FIP1L1: variants seen among roughly 807,000 people sequenced by gnomAD.
FIP1L1 encodes factor interacting with PAPOLA and CPSF1.
A neutral mutation model predicts 84.6 loss-of-function variants in FIP1L1; 21 were observed. That is an observed-to-expected ratio of 0.25 (90% CI 0.18 to 0.36). FIP1L1 has a LOEUF of 0.36. FIP1L1 is among the 10% of genes least tolerant of loss of function. The pLI is 1.00. For missense variants in FIP1L1, 526 were observed against 751.1 expected (o/e 0.70, Z 3.50); for synonymous variants, 263 against 242.3 (o/e 1.09, Z -0.80).
intron 10 of FIP1L1, among the ~76,000 whole-genome samples, chr4:53,412,535 T>C (rs1757683876): frequency 6.6e-6 from 1 of 152,086 alleles, no homozygotes; most frequent in Non-Finnish European, 1.5e-5. Flanking sequence ...ACAATCTAGT[T>C]GTTGAGTTAA....
chr4:53,389,837 A>C lies in FIP1L1; in HGVS notation c.361A>C (p.Asn121His). The change falls in exon 6 of 18, where the codon AAC becomes CAC. Residue 121 changes from asparagine to histidine, a missense_variant. Asn to His is a moderately conservative substitution (Grantham distance 68). Coordinates refer to ENST00000337488, the MANE Select transcript of FIP1L1 (RefSeq NM_030917.4). The stretch of plus-strand genomic sequence containing the variant: ...TTATGGTACAGCACCTGTAAATCTT[A>C]ACATCAAGACAGGGGGAAGAGTTTA... ...GSYGTAPVNLNIKTGGRVYGT... is the reference protein window; with the variant it reads ...GSYGTAPVNLHIKTGGRVYGT... 1 of 1,602,558 alleles carries C rather than the reference A, an allele frequency of 6.2e-7. No homozygotes were observed. Among genetic ancestry groups the C allele is most frequent in the Non-Finnish European group, 8.5e-7 (1 of 1,176,428 alleles).
At chr4:53,431,432 C>T (rs1211884351) in intron 13 of FIP1L1, among the ~76,000 whole-genome samples, 3 of 151,882 alleles carry the variant, frequency 2.0e-5, no homozygotes, top group African/African-American at 7.3e-5. Context: ...TTTTTGCTTT[C>T]TTCAAAAATA....
chr4:53,441,131 T>C (rs1771717468), intron 13 of FIP1L1: 1 of 151,994 alleles, frequency 6.6e-6, no homozygotes, highest in South Asian at 2.1e-4. Flanking sequence ...ACTAGGAGTT[T>C]ATATGTGGCC....
intron 9 of FIP1L1, among the ~76,000 whole-genome samples, chr4:53,396,166 G>A (rs1182471380): frequency 6.6e-6 from 1 of 151,998 alleles, no homozygotes; most frequent in Non-Finnish European, 1.5e-5. Flanking sequence ...TGATCCACCC[G>A]CCTCGGCCTC....
chr4:53,414,464 A>G, intron 10 of FIP1L1, 151 bp from the exon 11 acceptor site: 1 of 530,128 alleles, frequency 1.9e-6, no homozygotes, highest in Non-Finnish European at 3.4e-6. Flanking sequence ...ACTTAGTACC[A>G]CAGCAAGTAG....
intron 10 of FIP1L1, among the ~76,000 whole-genome samples, chr4:53,401,293 A>G (rs538628567): frequency 6.6e-6 from 1 of 152,332 alleles, no homozygotes; most frequent in South Asian, 2.1e-4. Context: ...GGGCCAGATT[A>G]TGTAAGGGCT....
Position 53,396,153 on chromosome 4 carries a change from A to T in FIP1L1, c.706-3577A>T, listed in dbSNP as rs112755837. Among the ~76,000 whole-genome samples, 909 of 152,144 alleles carry T rather than the reference A, an allele frequency of 6.0e-3. 5 individuals are homozygous for T. Among genetic ancestry groups the T allele is most frequent in the Non-Finnish European group, 9.4e-3 (639 of 67,966 alleles). On this transcript the variant is annotated intron_variant, in intron 9 of 17. Coordinates refer to ENST00000337488, the MANE Select transcript of FIP1L1 (RefSeq NM_030917.4). ...AGGCTGGTCTCTAACTTCTGACCTC[A>T]GGTGATCCACCCGCCTCGGCCTCCT...
At chr4:53,428,856 G>A (rs147133551) in intron 13 of FIP1L1, among the ~76,000 whole-genome samples, 113 of 152,274 alleles carry the variant, frequency 7.4e-4, no homozygotes, top group African/African-American at 2.6e-3. Flanking sequence ...TAGCAAGATT[G>A]ATTGAGATAA....
intron 11 of FIP1L1, among the ~76,000 whole-genome samples, chr4:53,415,778 AG>A (rs1189889946): frequency 1.3e-5 from 2 of 152,130 alleles, no homozygotes; most frequent in Non-Finnish European, 2.9e-5. Context: ...ATTTCCTGTT[AG>A]GAAAGAAGTT....
In FIP1L1 at chr4:53,379,379, A is replaced by G. The variant is rs79100349; in HGVS notation, c.170+115A>G. On this transcript the variant is annotated intron_variant, in intron 3 of 17. Coordinates refer to ENST00000337488, the MANE Select transcript of FIP1L1 (RefSeq NM_030917.4). ...GGCTTCATTACAACACTGACTTACAACATTTTGGAGGACATTGAATCCTTT... is the reference window on the plus strand; with the variant it reads ...GGCTTCATTACAACACTGACTTACAGCATTTTGGAGGACATTGAATCCTTT... 4,138 of 885,836 alleles carry G rather than the reference A, an allele frequency of 4.7e-3. 119 individuals carry two copies. In the African/African-American group the frequency reaches 0.062, roughly 13 times the overall value. 54.9% of individuals were successfully genotyped at this position (885,836 alleles called of 1,614,324 possible). A position where few individuals can be genotyped will look rare whatever the true frequency, so the allele number is the denominator to read the frequency against.
chr4:53,408,539 C>T (rs1560522000), intron 10 of FIP1L1, among the ~76,000 whole-genome samples: 1 of 152,212 alleles, frequency 6.6e-6, no homozygotes, highest in African/African-American at 2.4e-5. Context: ...TGAATGTTGG[C>T]CTGCCTTGCT....
intron 11 of FIP1L1, among the ~76,000 whole-genome samples, chr4:53,423,651 G>A (rs1185789845): frequency 6.6e-6 from 1 of 152,208 alleles, no homozygotes; most frequent in East Asian, 1.9e-4. Flanking sequence ...TATGATTAAA[G>A]TAAATCAGTT....
At chr4:53,390,079 C>T (rs1297643635) in intron 6 of FIP1L1, among the ~76,000 whole-genome samples, 1 of 151,998 alleles carries the variant, frequency 6.6e-6, no homozygotes, top group Non-Finnish European at 1.5e-5. Context: ...GCTGGGACTG[C>T]GGGCGTGCAC....
rs1212656480 is a variant in FIP1L1, at chr4:53,425,842, A to G, written c.924-30A>G. 5 of 1,503,530 alleles carry G rather than the reference A, an allele frequency of 3.3e-6. No individual in the cohort carries two copies. The African/African-American group carries it at 4.2e-5, about 12-fold the overall frequency. The allele number at this position is 1,503,530 out of a possible 1,614,324, so 93.1% of individuals were successfully genotyped here. ...ATTTTTTAAGCATCTAATTAGGTGA[A>G]ACTGAATTGATTCAATTTTTATGTT... On this transcript the variant is annotated intron_variant, in intron 11 of 17. Transcript: ENST00000337488.
Position 53,432,199 on chromosome 4 carries a change from C to G in FIP1L1, c.1174+4016C>G, listed in dbSNP as rs146536493. 6.6e-3 allele frequency among the ~76,000 whole-genome samples: 998 copies of G among 151,864 alleles called. 11 individuals carry two copies. Among genetic ancestry groups the G allele is most frequent in the African/African-American group, 0.023 (962 of 41,406 alleles). On this transcript the variant is annotated intron_variant, in intron 13 of 17. Coordinates refer to ENST00000337488, the MANE Select transcript of FIP1L1 (RefSeq NM_030917.4). ...TCACCTGAGGTCAGAAGTTCAAGAT[C>G]AGCCTGGCCAACATGGTGAAACTCC...
chr4:53,408,597 CTTGGTTCCA>C (rs1325943716), intron 10 of FIP1L1, among the ~76,000 whole-genome samples: 1 of 152,190 alleles, frequency 6.6e-6, no homozygotes, highest in Non-Finnish European at 1.5e-5. Flanking sequence ...TATTTTGCAA[CTTGGTTCCA>C]TTCTCCCCGT....
rs1400444043 is a variant in FIP1L1, at chr4:53,389,818, T to G, written c.342T>G (p.Gly114=). The G allele has an allele frequency of 6.2e-7, 1 of 1,604,098 alleles. No individual in the cohort carries two copies. The highest frequency in any genetic ancestry group is 1.1e-5 in the South Asian group (1 of 88,220). The change falls in exon 6 of 18, where the codon GGT becomes GGG. Residue 114 remains glycine, a synonymous_variant. Transcript: ENST00000337488. ...GTTTGTTTGTTTTTAGGAGTTATGG[T>G]ACAGCACCTGTAAATCTTAACATCA... ...KTGAPQYGSY[G]TAPVNLNIKT... is the part of the protein sequence containing the mutation.
At chr4:53,410,977 G>A (rs930988946) in intron 10 of FIP1L1, among the ~76,000 whole-genome samples, 1 of 152,142 alleles carries the variant, frequency 6.6e-6, no homozygotes, top group African/African-American at 2.4e-5. Context: ...AAGGTGGGGG[G>A]GGCTGCTGTA....
At chr4:53,387,342 G>A (rs1371734982) in intron 5 of FIP1L1, among the ~76,000 whole-genome samples, 2 of 152,188 alleles carry the variant, frequency 1.3e-5, no homozygotes, top group African/African-American at 4.8e-5. Context: ...GTTGGTTGTG[G>A]ATGGAGGAGG....
Sources: allele counts gnomAD v4.1 joint callset (sites outside exome capture counted in the v4.1 genomes callset), GRCh38; gene constraint gnomAD v4.1.1; transcripts MANE v1.5; gene names NCBI Gene and HGNC (gene_info 2026-07-23, HGNC 2026-07-21).